The following LRFN5 variants were observed in gnomAD, a reference collection of about 807,000 sequenced individuals.
LRFN5 encodes the protein leucine rich repeat and fibronectin type III domain containing 5.
A neutral mutation model predicts 45.6 loss-of-function variants in LRFN5; 24 were observed. That is an observed-to-expected ratio of 0.53 (90% CI 0.38 to 0.74). The LOEUF (loss-of-function observed/expected upper bound fraction) is 0.74. Among genes scored for constraint, LRFN5 ranks in the 30% least tolerant of loss-of-function variants. The pLI is 0.00. For synonymous variants in LRFN5, 340 were observed against 313.8 expected (o/e 1.08, Z -0.88); for missense variants, 776 against 861.5 (o/e 0.90, Z 1.24).
intron 2 of LRFN5, among the ~76,000 whole-genome samples, chr14:41,854,230 T>C (rs921209666): frequency 6.6e-6 from 1 of 152,138 alleles, no homozygotes; most frequent in African/African-American, 2.4e-5. Context: ...TGGTTTTCTT[T>C]CCTTTTGATA....
At chr14:41,820,407 A>G (rs1888074377) in intron 2 of LRFN5, among the ~76,000 whole-genome samples, 1 of 151,922 alleles carries the variant, frequency 6.6e-6, no homozygotes. Flanking sequence ...GACTTTATTG[A>G]TAACCAGTTA....
At chr14:41,727,600 T>G (rs867889523) in intron 1 of LRFN5, among the ~76,000 whole-genome samples, 8 of 152,160 alleles carry the variant, frequency 5.3e-5, no homozygotes, top group Middle Eastern at 3.4e-3. Context: ...CACTCCAACA[T>G]AGACGAAAGA....
chr14:41,643,111 C>T (rs1044542814), intron 1 of LRFN5, among the ~76,000 whole-genome samples: 13 of 152,118 alleles, frequency 8.5e-5, no homozygotes, highest in African/African-American at 2.9e-4. Flanking sequence ...TTAGAAAAAT[C>T]ATATATTTTT....
chr14:41,653,461 A>C (rs115997991), intron 1 of LRFN5, among the ~76,000 whole-genome samples: 2,837 of 152,188 alleles, frequency 0.019, 81 homozygotes, highest in African/African-American at 0.064. Flanking sequence ...ATGAGAAATA[A>C]ATTTCTGTTT....
chr14:41,799,926 GGGAAA>G (rs1325131287), intron 2 of LRFN5, among the ~76,000 whole-genome samples: 15 of 151,872 alleles, frequency 9.9e-5, no homozygotes, highest in Admixed American at 3.3e-4. Flanking sequence ...GTCAATGGAG[GGGAAA>G]GGAAAGGGAA....
chr14:41,740,457 AC>A (rs1375809680), intron 1 of LRFN5, among the ~76,000 whole-genome samples: 3 of 152,042 alleles, frequency 2.0e-5, no homozygotes, highest in African/African-American at 7.2e-5. Context: ...ACAGAAAAAA[AC>A]ATTTTCTCAA....
chr14:41,692,760 T>C (rs1343542049), intron 1 of LRFN5, among the ~76,000 whole-genome samples: 1 of 152,216 alleles, frequency 6.6e-6, no homozygotes, highest in Non-Finnish European at 1.5e-5. Context: ...GATTTTTCTT[T>C]TACAGTGTGA....
intron 1 of LRFN5, among the ~76,000 whole-genome samples, chr14:41,724,202 A>G (rs557020490): frequency 6.6e-6 from 1 of 152,242 alleles, no homozygotes; most frequent in East Asian, 1.9e-4. Context: ...TTCTTTCTCA[A>G]AATACAACTG....
chr14:41,723,978 G>A (rs73305580), intron 1 of LRFN5, among the ~76,000 whole-genome samples: 6,817 of 152,222 alleles, frequency 0.045, 338 homozygotes, highest in African/African-American at 0.12. Flanking sequence ...CTGTCTGTAA[G>A]CCTATCTCCA....
At chr14:41,668,880 TCTGA>T (rs918506033) in intron 1 of LRFN5, among the ~76,000 whole-genome samples, 74 of 152,276 alleles carry the variant, frequency 4.9e-4, no homozygotes, top group African/African-American at 1.7e-3. Context: ...TGAACGTAGC[TCTGA>T]CTTTTATTCT....
chr14:41,782,227 A>T (rs946572262), intron 2 of LRFN5, among the ~76,000 whole-genome samples: 9 of 151,346 alleles, frequency 5.9e-5, no homozygotes, highest in South Asian at 2.1e-4. Flanking sequence ...TATTTTTTTT[A>T]AATTCTTTTT....
intron 2 of LRFN5, among the ~76,000 whole-genome samples, chr14:41,863,630 T>G (rs1327213781): frequency 6.6e-6 from 1 of 152,220 alleles, no homozygotes; most frequent in African/African-American, 2.4e-5. Context: ...TATAAATTAT[T>G]CTGAATAAAT....
chr14:41,812,487 T>C (rs1364461160), intron 2 of LRFN5, among the ~76,000 whole-genome samples: 7 of 151,910 alleles, frequency 4.6e-5, no homozygotes, highest in Non-Finnish European at 7.4e-5. Flanking sequence ...CTTAGTACCT[T>C]CTTAGTATAC....
At chr14:41,648,140 GTTA>G (rs1348017457) in intron 1 of LRFN5, among the ~76,000 whole-genome samples, 1 of 152,000 alleles carries the variant, frequency 6.6e-6, no homozygotes, top group African/African-American at 2.4e-5. Context: ...CACCAAATCT[GTTA>G]TTGTTACAAT....
chr14:41,686,734 T>C (rs1882140808), intron 1 of LRFN5, among the ~76,000 whole-genome samples: 1 of 152,182 alleles, frequency 6.6e-6, no homozygotes, highest in South Asian at 2.1e-4. Flanking sequence ...ATTTTTGTCA[T>C]TGATTCTGTT....
At chr14:41,727,044 A>G (rs1159327560) in intron 1 of LRFN5, among the ~76,000 whole-genome samples, 2 of 152,322 alleles carry the variant, frequency 1.3e-5, no homozygotes, top group Non-Finnish European at 1.5e-5. Flanking sequence ...GCACTATGCA[A>G]TTTAGTCAGT....
At chr14:41,654,855 G>T (rs1225330160) in intron 1 of LRFN5, among the ~76,000 whole-genome samples, 6 of 152,020 alleles carry the variant, frequency 3.9e-5, no homozygotes, top group African/African-American at 1.4e-4. Flanking sequence ...TTAGGTCACA[G>T]AATTATTTTT....
chr14:41,656,213 T>C (rs1310676730), intron 1 of LRFN5, among the ~76,000 whole-genome samples: 1 of 151,914 alleles, frequency 6.6e-6, no homozygotes, highest in Non-Finnish European at 1.5e-5. Context: ...GATATTTACC[T>C]CCCAAGGCTA....
At chr14:41,804,377 A>T (rs1210539558) in intron 2 of LRFN5, among the ~76,000 whole-genome samples, 1 of 152,120 alleles carries the variant, frequency 6.6e-6, no homozygotes, top group Non-Finnish European at 1.5e-5. Context: ...CCATTTGGTC[A>T]TCAGAAATGC....
Sources: gnomAD v4.1 joint callset for allele counts (sites outside exome capture counted in the v4.1 genomes callset) on GRCh38, gnomAD v4.1.1 for gene constraint, MANE v1.5 for transcripts, NCBI Gene and HGNC (gene_info 2026-07-23, HGNC 2026-07-21) for gene names.